Variants in ZSWIM5 observed in about 807,000 individuals in gnomAD.
ZSWIM5 encodes the protein zinc finger SWIM-type containing 5, also known as zinc finger SWIM domain-containing protein 5.
Under a neutral mutation model 119.6 loss-of-function variants are expected in ZSWIM5, and 55 were observed. The observed-to-expected ratio is 0.46, with a 90% CI of 0.37 to 0.58. ZSWIM5 has a LOEUF of 0.58. Ranked by LOEUF, ZSWIM5 falls within the 20% of genes least tolerant of loss-of-function variation. The pLI is 0.00. For missense variants in ZSWIM5, 1,193 were observed against 1,512.8 expected, an observed-to-expected ratio of 0.79 and a Z score of 3.51; for synonymous variants, 537 against 606.9, an observed-to-expected ratio of 0.88 and a Z score of 1.69.
intron 1 of ZSWIM5, among the ~76,000 whole-genome samples, chr1:45,174,169 G>A (rs1053560298): frequency 6.6e-6 from 1 of 152,006 alleles, no homozygotes; most frequent in African/African-American, 2.4e-5. Context: ...CAGCTACTCA[G>A]GAGGCTGAGG....
chr1:45,100,624 G>T (rs1387801644), intron 1 of ZSWIM5, among the ~76,000 whole-genome samples: 1 of 152,190 alleles, frequency 6.6e-6, no homozygotes, highest in African/African-American at 2.4e-5. Flanking sequence ...AAAGCTGGAG[G>T]CATCATGCTA....
intron 1 of ZSWIM5, among the ~76,000 whole-genome samples, chr1:45,136,047 G>A (rs141319871): frequency 3.9e-5 from 6 of 152,168 alleles, no homozygotes; most frequent in African/African-American, 9.6e-5. Flanking sequence ...TTTTGGTAGC[G>A]ATGGAGTTTC....
intron 4 of ZSWIM5, among the ~76,000 whole-genome samples, chr1:45,053,741 C>T (rs568427162): frequency 9.9e-5 from 11 of 111,482 alleles, no homozygotes; most frequent in East Asian, 5.8e-4. Flanking sequence ...CCAGCCTGGG[C>T]GACAGAGCGA....
chr1:45,155,570 C>T (rs1645822140), intron 1 of ZSWIM5, among the ~76,000 whole-genome samples: 1 of 152,106 alleles, frequency 6.6e-6, no homozygotes. Context: ...AAGAAACTTG[C>T]ACATGCATGT....
rs939246352 is a variant in ZSWIM5 at position 45,019,877 on chromosome 1, A to G, written c.2695+189T>C. On this transcript the variant is annotated intron_variant, in intron 13 of 13. Transcript: ENST00000359600. The surrounding 1 kb of genome is among the most constrained non-coding windows in gnomAD (Gnocchi z 5.0). ...CATCAGGATATGGTTCAAGCAGTGAAGACAGGGCTTGGGCTGGCTGAACAG... is the reference window on the plus strand; with the variant it reads ...CATCAGGATATGGTTCAAGCAGTGAGGACAGGGCTTGGGCTGGCTGAACAG... 9.9e-5 allele frequency among the ~76,000 whole-genome samples: 15 copies of G among 152,212 alleles called. No homozygotes were observed. Among genetic ancestry groups the G allele is most frequent in the Non-Finnish European group, 1.6e-4 (11 of 68,034 alleles).
intron 1 of ZSWIM5, among the ~76,000 whole-genome samples, chr1:45,184,108 A>T (rs1646041328): frequency 6.6e-6 from 1 of 152,228 alleles, no homozygotes; most frequent in Admixed American, 6.5e-5. Context: ...ACAAATCAAT[A>T]AATGTAATCC....
intron 1 of ZSWIM5, among the ~76,000 whole-genome samples, chr1:45,100,788 A>C (rs1293171377): frequency 6.6e-6 from 1 of 152,256 alleles, no homozygotes; most frequent in African/African-American, 2.4e-5. Context: ...TGACAAAAAC[A>C]AGAAATGGGG....
intron 11 of ZSWIM5, among the ~76,000 whole-genome samples, chr1:45,032,760 T>TATAG (rs1644960512): frequency 6.6e-6 from 1 of 151,978 alleles, no homozygotes; most frequent in African/African-American, 2.4e-5. Context: ...GTGCTAGGAT[T>TATAG]ATAGGTGTGA....
intron 1 of ZSWIM5, among the ~76,000 whole-genome samples, chr1:45,135,142 G>GAACC (rs1645682040): frequency 6.8e-6 from 1 of 148,034 alleles, no homozygotes; most frequent in Admixed American, 6.7e-5. Flanking sequence ...TTTTTTTGAG[G>GAACC]AACCTTCATA....
intron 1 of ZSWIM5, among the ~76,000 whole-genome samples, chr1:45,179,310 G>T (rs1646000270): frequency 6.6e-6 from 1 of 152,028 alleles, no homozygotes; most frequent in Non-Finnish European, 1.5e-5. Flanking sequence ...GGATGCACCT[G>T]GAAACCATTA....
At chr1:45,045,513 T>C (rs1053173194) in intron 5 of ZSWIM5, among the ~76,000 whole-genome samples, 1 of 152,190 alleles carries the variant, frequency 6.6e-6, no homozygotes, top group African/African-American at 2.4e-5. Flanking sequence ...CAGGCTCAGA[T>C]GGTTGAAGGA....
intron 5 of ZSWIM5, among the ~76,000 whole-genome samples, chr1:45,047,149 C>G (rs891581777): frequency 6.6e-6 from 1 of 151,854 alleles, no homozygotes; most frequent in Non-Finnish European, 1.5e-5. Flanking sequence ...AACTGAGAAC[C>G]GAGAGAGAAT....
intron 1 of ZSWIM5, among the ~76,000 whole-genome samples, chr1:45,172,049 C>T (rs1489682276): frequency 1.3e-5 from 2 of 151,910 alleles, no homozygotes; most frequent in Non-Finnish European, 2.9e-5. Flanking sequence ...AAAATCTTCT[C>T]AAATTCACCG....
chr1:45,165,336 C>T (rs1320524051), intron 1 of ZSWIM5, among the ~76,000 whole-genome samples: 4 of 151,974 alleles, frequency 2.6e-5, no homozygotes, highest in African/African-American at 7.2e-5. Flanking sequence ...GGGAAATTTA[C>T]AGCACTAAAT....
chr1:45,058,838 A>C (rs1645137730), intron 3 of ZSWIM5, 79 bp from the exon 4 acceptor site: 4 of 1,536,338 alleles, frequency 2.6e-6, no homozygotes, highest in Non-Finnish European at 3.6e-6. Flanking sequence ...GGGGAGGGGG[A>C]AGTGAAGATG....
At position 45,019,477 on chromosome 1, in the gene ZSWIM5, G is replaced by C. The variant is rs946059236; in HGVS notation, c.2696-161C>G. On this transcript the variant is annotated intron_variant, in intron 13 of 13. Coordinates refer to ENST00000359600, the MANE Select transcript of ZSWIM5 (RefSeq NM_020883.2). The surrounding 1 kb of genome is among the most constrained non-coding windows in gnomAD (Gnocchi z 5.0). ...AAACCAGGGCAAGGGGAGCATCCCA[G>C]ATGGCCAGACCCTGTTTGGGGTCTC... 2.0e-5 allele frequency among the ~76,000 whole-genome samples: 3 copies of C among 152,222 alleles called. No homozygotes were observed. Among genetic ancestry groups the C allele is most frequent in the Non-Finnish European group, 2.9e-5 (2 of 68,042 alleles).
At chr1:45,131,217 G>T (rs1645654556) in intron 1 of ZSWIM5, among the ~76,000 whole-genome samples, 1 of 152,030 alleles carries the variant, frequency 6.6e-6, no homozygotes, top group Non-Finnish European at 1.5e-5. Context: ...TTCTACTATA[G>T]TTTGAAGGTG....
chr1:45,146,147 A>G (rs1417271785), intron 1 of ZSWIM5, among the ~76,000 whole-genome samples: 1 of 152,196 alleles, frequency 6.6e-6, no homozygotes, highest in Non-Finnish European at 1.5e-5. Flanking sequence ...CTCTTGAAAT[A>G]TTGCTACAAA....
chr1:45,204,371 AATTAC>A (rs1646174991), intron 1 of ZSWIM5, among the ~76,000 whole-genome samples: 1 of 152,222 alleles, frequency 6.6e-6, no homozygotes, highest in Non-Finnish European at 1.5e-5. Flanking sequence ...TGTACACCTT[AATTAC>A]ATATTTATTC....
Sources: gnomAD v4.1 joint callset for allele counts (sites outside exome capture counted in the v4.1 genomes callset) on GRCh38, gnomAD v4.1.1 for gene constraint, Gnocchi (gnomAD v3.1) non-coding constraint, MANE v1.5 for transcripts, NCBI Gene and HGNC (gene_info 2026-07-23, HGNC 2026-07-21) for gene names.